Variants in PIAS2 observed in about 807,000 individuals in gnomAD.
PIAS2 encodes the protein protein inhibitor of activated STAT 2.
Under a neutral mutation model 69.7 loss-of-function variants are expected in PIAS2, and 19 were observed. That is an observed-to-expected ratio of 0.27 (90% CI 0.19 to 0.40). The LOEUF (loss-of-function observed/expected upper bound fraction) is 0.40, where lower values mean the gene tolerates loss of function less well. PIAS2 is among the 10% of genes least tolerant of loss of function. The pLI is 1.00. For synonymous variants in PIAS2, 261 were observed against 263.2 expected, an observed-to-expected ratio of 0.99 and a Z score of 0.08; for missense variants, 624 against 757.0, an observed-to-expected ratio of 0.82 and a Z score of 2.06.
At chr18:46,817,141 A>G (rs2041652025) in intron 12 of PIAS2, 1 of 952,232 alleles carries the variant, frequency 1.1e-6, no homozygotes, top group African/African-American at 1.8e-5. Context: ...TCATTTTTAC[A>G]ATAGCTTCTA....
chr18:46,914,745 T>C (rs755636935), intron 1 of PIAS2, among the ~76,000 whole-genome samples: 10 of 152,090 alleles, frequency 6.6e-5, no homozygotes, highest in Non-Finnish European at 1.5e-4. Flanking sequence ...ATGGAAATCC[T>C]CTCTGTGGCA....
At position 46,836,505 on chromosome 18, in the gene PIAS2, T is replaced by G. The variant is rs746575626; in HGVS notation, c.1054A>C (p.Arg352=). Residue 352 remains arginine, a synonymous_variant, in exon 9 of 14, where the codon AGG becomes CGG. Coordinates refer to ENST00000585916, the MANE Select transcript of PIAS2 (RefSeq NM_004671.5). ...ACTGCACGGCATGGGATTGTCAGCCTCATTTTTCCTAACTACAGGACAGGA... is the reference window on the plus strand; with the variant it reads ...ACTGCACGGCATGGGATTGTCAGCCGCATTTTTCCTAACTACAGGACAGGA... ...VSLMCPLGKM[R]LTIPCRAVTC... is the part of the protein sequence containing the mutation. 6 of 1,611,276 alleles carry G rather than the reference T, an allele frequency of 3.7e-6. No individual in the cohort carries two copies. The East Asian group carries it at 1.3e-4, about 36-fold the overall frequency.
At chr18:46,893,991 T>C (rs1407471686) in intron 1 of PIAS2, among the ~76,000 whole-genome samples, 2 of 152,046 alleles carry the variant, frequency 1.3e-5, no homozygotes, top group Non-Finnish European at 2.9e-5. Context: ...CCAGGCTTGG[T>C]GGTACACACC....
At chr18:46,823,345 T>C (rs1473696020) in intron 11 of PIAS2, among the ~76,000 whole-genome samples, 2 of 152,134 alleles carry the variant, frequency 1.3e-5, no homozygotes, top group African/African-American at 4.8e-5. Context: ...CACTCCCCCT[T>C]CTCTTCCTTT....
intron 2 of PIAS2, among the ~76,000 whole-genome samples, chr18:46,872,397 C>T (rs1242197141): frequency 4.6e-5 from 7 of 152,200 alleles, no homozygotes; most frequent in Admixed American, 2.0e-4. Context: ...AGCAACAATA[C>T]CAATAGATAG....
chr18:46,815,872 G>A (rs367808162), intron 12 of PIAS2: 5 of 985,408 alleles, frequency 5.1e-6, no homozygotes, highest in Non-Finnish European at 6.0e-6. Context: ...GCACACACTC[G>A]GGAATTGCTG....
intron 1 of PIAS2, among the ~76,000 whole-genome samples, chr18:46,910,000 T>C (rs8094938): frequency 0.012 from 1,835 of 151,778 alleles, 33 homozygotes; most frequent in African/African-American, 0.041. Context: ...AAACTAATAA[T>C]ACAAAAAAAT....
At chr18:46,862,652 T>C (rs1292326491) in intron 3 of PIAS2, among the ~76,000 whole-genome samples, 1 of 152,092 alleles carries the variant, frequency 6.6e-6, no homozygotes, top group Non-Finnish European at 1.5e-5. Context: ...TATACACATA[T>C]ATACACATAT....
At chr18:46,869,207 A>T (rs1395930311) in intron 2 of PIAS2, among the ~76,000 whole-genome samples, 1 of 152,216 alleles carries the variant, frequency 6.6e-6, no homozygotes, top group Non-Finnish European at 1.5e-5. Context: ...CCGTGAGGGA[A>T]GCAGCCAGAG....
chr18:46,855,620 T>G lies in PIAS2; in HGVS notation c.585-5A>C, dbSNP rs763580543. ...CTACCACCTGGCAAAAAATCCCTGTTGGAAAGAGAAAGAAAATGGGTTAAA... is the reference window on the plus strand; with the variant it reads ...CTACCACCTGGCAAAAAATCCCTGTGGGAAAGAGAAAGAAAATGGGTTAAA... On this transcript the variant is annotated splice_polypyrimidine_tract_variant and splice_region_variant and intron_variant, in intron 3 of 13. Transcript: ENST00000585916. The G allele has an allele frequency of 6.2e-7, 1 of 1,610,952 alleles. No homozygotes were observed. The highest frequency in any genetic ancestry group is 1.7e-5 in the Admixed American group (1 of 59,984).
chr18:46,825,486 T>C (rs1166018828), intron 11 of PIAS2, among the ~76,000 whole-genome samples: 2 of 152,202 alleles, frequency 1.3e-5, no homozygotes, highest in African/African-American at 4.8e-5. Flanking sequence ...GGGTATCAAA[T>C]AATCTCTTCT....
chr18:46,864,223 T>C lies in PIAS2; in HGVS notation c.525A>G (p.Gln175=). 6.3e-7 allele frequency: 1 copy of C among 1,597,512 alleles called. No individual in the cohort carries two copies. The highest frequency in any genetic ancestry group is 1.1e-5 in the South Asian group (1 of 87,648). Residue 175 remains glutamine (Q), a synonymous_variant, in exon 3 of 14, where the codon CAA becomes CAG. Coordinates refer to ENST00000585916, the MANE Select transcript of PIAS2 (RefSeq NM_004671.5). ...TCAAAGCAAAAATAAAAAACTTCTC[T>C]TGAAATCGCTGAATACTGCTTTGAA... ...SLVQSSIQRF[Q]EKFFIFALTP...
chr18:46,888,437 A>T (rs1763617646), intron 2 of PIAS2, among the ~76,000 whole-genome samples: 1 of 152,204 alleles, frequency 6.6e-6, no homozygotes, highest in Non-Finnish European at 1.5e-5. Flanking sequence ...CAAATAGCCA[A>T]AACAATCTTA....
At chr18:46,906,170 C>G (rs1269746910) in intron 1 of PIAS2, 1 of 151,964 alleles carries the variant, frequency 6.6e-6, no homozygotes, top group Non-Finnish European at 1.5e-5. Flanking sequence ...AGAAAGGGAA[C>G]ATCCTTAACC....
At chr18:46,839,817 A>T (rs1307048459) in intron 8 of PIAS2, among the ~76,000 whole-genome samples, 3 of 150,668 alleles carry the variant, frequency 2.0e-5, no homozygotes, top group African/African-American at 7.4e-5. Context: ...GTAAGCCGAG[A>T]TCATACCACT....
At chr18:46,848,073 G>C (rs1307306818) in intron 5 of PIAS2, among the ~76,000 whole-genome samples, 2 of 152,146 alleles carry the variant, frequency 1.3e-5, no homozygotes, top group Non-Finnish European at 2.9e-5. Flanking sequence ...CTTTTGTACA[G>C]AAGAAACTTC....
At chr18:46,890,300 A>C (rs1362017812) in intron 2 of PIAS2, among the ~76,000 whole-genome samples, 4 of 152,226 alleles carry the variant, frequency 2.6e-5, no homozygotes, top group Non-Finnish European at 5.9e-5. Context: ...AACATACTTA[A>C]CACCACTCAA....
At chr18:46,842,391 T>C (rs941962280) in intron 8 of PIAS2, among the ~76,000 whole-genome samples, 4 of 151,976 alleles carry the variant, frequency 2.6e-5, no homozygotes, top group African/African-American at 9.7e-5. Context: ...AAAAAAAATT[T>C]AAAAGATTCT....
chr18:46,848,553 A>G (rs2046482609), intron 5 of PIAS2, among the ~76,000 whole-genome samples: 1 of 152,188 alleles, frequency 6.6e-6, no homozygotes, highest in South Asian at 2.1e-4. Flanking sequence ...AGCAAAGAGG[A>G]ACACACCCTG....
Sources: gnomAD v4.1 joint callset for allele counts (sites outside exome capture counted in the v4.1 genomes callset) on GRCh38, gnomAD v4.1.1 for gene constraint, MANE v1.5 for transcripts, NCBI Gene and HGNC (gene_info 2026-07-23, HGNC 2026-07-21) for gene names.